KIF2C: variants seen among roughly 807,000 people sequenced by gnomAD.
KIF2C encodes kinesin family member 2C.
KIF2C carries 34 observed loss-of-function variants against 97.4 expected under a neutral mutation model. The ratio of observed to expected loss-of-function variants is 0.35; its 90% CI spans 0.27 to 0.46. KIF2C has a LOEUF of 0.46. KIF2C is among the 20% of genes least tolerant of loss of function. KIF2C has a pLI of 1.00. For synonymous variants in KIF2C, 313 were observed against 318.2 expected, an observed-to-expected ratio of 0.98 and a Z score of 0.17; for missense variants, 750 against 907.6, an observed-to-expected ratio of 0.83 and a Z score of 2.23.
At position 44,754,105 on chromosome 1, in the gene KIF2C, C is replaced by T. The variant is rs146260414; in HGVS notation, c.663+272C>T. ...AGTAGCTGGGATTACAGGCATGTGC[C>T]GCTAATTTTTTGTATTTTTAGTAGA... is the stretch of plus-strand genomic sequence containing the variant. On this transcript the variant is annotated intron_variant, in intron 7 of 20. Transcript: ENST00000372224. Among the ~76,000 whole-genome samples the T allele has an allele frequency of 2.3e-3, 348 of 151,378 alleles. 1 individual carries two copies. Among genetic ancestry groups the T allele is most frequent in the African/African-American group, 7.8e-3 (323 of 41,224 alleles).
chr1:44,749,590 T>G (rs903345770), intron 4 of KIF2C, among the ~76,000 whole-genome samples: 7 of 151,870 alleles, frequency 4.6e-5, no homozygotes, highest in African/African-American at 1.4e-4. Flanking sequence ...AGTCTTATTA[T>G]AAAAATAAAA....
intron 2 of KIF2C, among the ~76,000 whole-genome samples, chr1:44,747,179 A>T (rs1649245705): frequency 6.6e-6 from 1 of 151,654 alleles, no homozygotes; most frequent in Non-Finnish European, 1.5e-5. Flanking sequence ...GTGGTGGCGC[A>T]TGCCTGTAGT....
rs373237209 is a variant in KIF2C, at chr1:44,762,233, G to C, written c.1752-113G>C. 8.4e-5 allele frequency: 87 copies of C among 1,033,714 alleles called. No individual in the cohort carries two copies. The African/African-American group carries it at 1.1e-3, about 13-fold the overall frequency. The allele number at this position is 1,033,714 out of a possible 1,614,324, so 64.0% of individuals were successfully genotyped here. ...TTTCTCTCTCCTTGGCTGAAGGCAA[G>C]GTTGCCATTCCATCCCCTTGGAGCC... On this transcript the variant is annotated intron_variant, in intron 17 of 20. Coordinates refer to ENST00000372224, the MANE Select transcript of KIF2C (RefSeq NM_006845.4).
intron 10 of KIF2C, among the ~76,000 whole-genome samples, chr1:44,757,235 G>A (rs1304228192): frequency 1.3e-5 from 2 of 152,132 alleles, no homozygotes; most frequent in Admixed American, 1.3e-4. Context: ...CTCTTCTGCT[G>A]GAAGCTGGAT....
At chr1:44,741,097 T>C in intron 2 of KIF2C, 90 bp downstream of exon 2, 2 of 994,452 alleles carry the variant, frequency 2.0e-6, no homozygotes, top group Admixed American at 4.1e-5. Context: ...GCCTAGTTTC[T>C]GATGCTGTGC....
At position 44,756,161 on chromosome 1, in the gene KIF2C, AC is replaced by A. The variant is rs1267670704; in HGVS notation, c.902del (p.Thr301LysfsTer84). ...TGAACCCAAGTTGAAAGTGGACTTA[AC>A]AAAGTATCTGGAGAACCAAGCATTC... ...VHEPKLKVDL[T>X]KYLENQAFCF... On this transcript the variant is annotated frameshift_variant, in exon 10 of 21. Coordinates refer to ENST00000372224, the MANE Select transcript of KIF2C (RefSeq NM_006845.4). LOFTEE classifies it high-confidence loss of function. 6.2e-7 allele frequency: 1 copy of A among 1,614,104 alleles called. No homozygotes were observed. The highest frequency in any genetic ancestry group is 1.3e-5 in the African/African-American group (1 of 74,944).
chr1:44,764,175 C>A (rs943915753), intron 19 of KIF2C, among the ~76,000 whole-genome samples: 1 of 152,036 alleles, frequency 6.6e-6, no homozygotes, highest in African/African-American at 2.4e-5. Flanking sequence ...TGTACTCTCT[C>A]TCTATATATA....
At chr1:44,754,266 A>G (rs1392228345) in intron 7 of KIF2C, among the ~76,000 whole-genome samples, 2 of 152,120 alleles carry the variant, frequency 1.3e-5, no homozygotes, top group Non-Finnish European at 2.9e-5. Flanking sequence ...CTGGTTTATC[A>G]GGATTCAGAG....
intron 19 of KIF2C, among the ~76,000 whole-genome samples, chr1:44,765,630 C>G (rs1650418067): frequency 6.6e-6 from 1 of 152,038 alleles, no homozygotes; most frequent in South Asian, 2.1e-4. Context: ...GTCAGGAGAT[C>G]AAGACCATCC....
At position 44,744,444 on chromosome 1, in the gene KIF2C, A is replaced by G. The variant is rs180877823; in HGVS notation, c.166-2940A>G. Among the ~76,000 whole-genome samples, 211 of 152,220 alleles carry G rather than the reference A, an allele frequency of 1.4e-3. 1 individual carries two copies. The highest frequency in any genetic ancestry group is 2.4e-3 in the Non-Finnish European group (163 of 68,008). On this transcript the variant is annotated intron_variant, in intron 2 of 20. Coordinates refer to ENST00000372224, the MANE Select transcript of KIF2C (RefSeq NM_006845.4). ...TCTAATCACCCTTTTTCTTTGTACC[A>G]CATACTCTTCTTCCACATATCCTAT...
intron 6 of KIF2C, 125 bp from the exon 7 acceptor site, chr1:44,753,608 T>C (rs1004307963): frequency 1.6e-6 from 1 of 639,738 alleles, no homozygotes; most frequent in Admixed American, 3.0e-5. Flanking sequence ...AGAGTAAGGA[T>C]CTAGAGAAGG....
intron 5 of KIF2C, among the ~76,000 whole-genome samples, chr1:44,751,491 C>A (rs1278618577): frequency 1.3e-5 from 2 of 150,982 alleles, no homozygotes; most frequent in Non-Finnish European, 2.9e-5. Context: ...CCACCTCGCC[C>A]AGCCCTCTTT....
chr1:44,752,280 G>A (rs993998218), intron 5 of KIF2C, among the ~76,000 whole-genome samples: 4 of 150,944 alleles, frequency 2.6e-5, no homozygotes, highest in East Asian at 3.9e-4. Flanking sequence ...GACTACAGCC[G>A]CCTGCCACCG....
At chr1:44,756,544 CTTTTTTTTTTTT>C (rs67641740) in intron 10 of KIF2C, among the ~76,000 whole-genome samples, 2 of 65,242 alleles carry the variant, frequency 3.1e-5, no homozygotes, top group African/African-American at 7.4e-5. Flanking sequence ...GCTCTATCTG[CTTTTTTTTTTTT>C]TTTTTTTTTT....
chr1:44,753,027 C>T (rs969329057), intron 5 of KIF2C, 105 bp from the exon 6 acceptor site: 33 of 1,377,812 alleles, frequency 2.4e-5, no homozygotes, highest in Admixed American at 6.3e-5. Flanking sequence ...TAAGCCTTAC[C>T]GAGCAGGCAG....
chr1:44,764,106 G>A (rs1650313382), intron 19 of KIF2C, among the ~76,000 whole-genome samples: 1 of 151,990 alleles, frequency 6.6e-6, no homozygotes, highest in African/African-American at 2.4e-5. Flanking sequence ...GAGGACATGA[G>A]ATTCATGAAC....
intron 2 of KIF2C, chr1:44,746,892 T>G: frequency 1.0e-6 from 1 of 976,578 alleles, no homozygotes; most frequent in South Asian, 1.8e-5. Context: ...GTTTTTTTGT[T>G]TGTTTGTTTG....
chr1:44,758,206 G>C (rs1649945175), intron 13 of KIF2C, 66 bp downstream of exon 13: 2 of 1,470,168 alleles, frequency 1.4e-6, no homozygotes, highest in Admixed American at 1.8e-5. Flanking sequence ...CTTGAAGCTG[G>C]CTAGAAGTTG....
intron 13 of KIF2C, 113 bp from the exon 14 acceptor site, chr1:44,759,093 T>G: frequency 7.3e-7 from 1 of 1,373,434 alleles, no homozygotes; most frequent in Non-Finnish European, 1.0e-6. Flanking sequence ...TCGTATTCTC[T>G]GCCTTTCCTG....
Sources: gnomAD v4.1 joint callset for allele counts (sites outside exome capture counted in the v4.1 genomes callset) on GRCh38, gnomAD v4.1.1 for gene constraint, MANE v1.5 for transcripts, NCBI Gene and HGNC (gene_info 2026-07-23, HGNC 2026-07-21) for gene names.